Variants in KCNQ5 observed in about 807,000 individuals in gnomAD.
KCNQ5 encodes potassium voltage-gated channel subfamily KQT member 5.
Under a neutral mutation model 98.2 loss-of-function variants are expected in KCNQ5, and 30 were observed. The ratio of observed to expected loss-of-function variants is 0.31; its 90% CI spans 0.23 to 0.41. The LOEUF (loss-of-function observed/expected upper bound fraction) is 0.41. Among genes scored for constraint, KCNQ5 ranks in the 10% least tolerant of loss-of-function variants. The pLI is 1.00. For missense variants in KCNQ5, 835 were observed against 1,182.5 expected (o/e 0.71, Z 4.31); for synonymous variants, 458 against 449.4 (o/e 1.02, Z -0.24).
rs1346511992 is a variant in KCNQ5 at position 73,194,523 on chromosome 6, C to T, written c.1908C>T (p.Ala636=). ...IYQQVLRKGS[A]SALALASFQI... Reference sequence around the variant, plus strand: ...AACAGGTCCTTCGGAAAGGCTCTGCCTCAGCCCTCGCTTTGGCTTCATTCC... The same window carrying T: ...AACAGGTCCTTCGGAAAGGCTCTGCTTCAGCCCTCGCTTTGGCTTCATTCC... Residue 636 remains alanine, a synonymous_variant, in exon 14 of 14, where the codon GCC becomes GCT. Transcript: ENST00000370398. The T allele has an allele frequency of 6.2e-7, 1 of 1,614,216 alleles. No homozygotes were observed. The highest frequency in any genetic ancestry group is 8.5e-7 in the Non-Finnish European group (1 of 1,180,038).
At chr6:73,003,181 T>G (rs1448341163) in intron 1 of KCNQ5, among the ~76,000 whole-genome samples, 1 of 152,118 alleles carries the variant, frequency 6.6e-6, no homozygotes, top group Non-Finnish European at 1.5e-5. Flanking sequence ...AAGTTACACA[T>G]TTGTAGGAAT....
chr6:72,776,814 A>C (rs956766624), intron 1 of KCNQ5, among the ~76,000 whole-genome samples: 1 of 152,142 alleles, frequency 6.6e-6, no homozygotes, highest in African/African-American at 2.4e-5. Context: ...GGACAGGGAG[A>C]GGCAGAAAAA....
At chr6:72,848,218 G>A (rs1045579335) in intron 1 of KCNQ5, among the ~76,000 whole-genome samples, 2 of 151,324 alleles carry the variant, frequency 1.3e-5, no homozygotes, top group African/African-American at 4.9e-5. Context: ...TTAAAGTTCC[G>A]GGATACATGG....
At chr6:73,070,827 C>CT (rs1220802487) in intron 3 of KCNQ5, among the ~76,000 whole-genome samples, 35 of 152,308 alleles carry the variant, frequency 2.3e-4, no homozygotes, top group African/African-American at 8.2e-4. Context: ...GCAACCACTT[C>CT]TCAGAGATAA....
intron 5 of KCNQ5, among the ~76,000 whole-genome samples, chr6:73,090,129 T>A (rs1170034479): frequency 6.6e-6 from 1 of 152,178 alleles, no homozygotes; most frequent in Non-Finnish European, 1.5e-5. Context: ...TGGTATCACA[T>A]TGTGGTTTTC....
intron 1 of KCNQ5, among the ~76,000 whole-genome samples, chr6:72,700,173 G>A (rs1582135487): frequency 6.6e-6 from 1 of 152,090 alleles, no homozygotes; most frequent in Admixed American, 6.5e-5. Context: ...TCTTAAATGG[G>A]CAGGAAGCTC....
rs1048010279 is a variant in KCNQ5, at chr6:72,796,507, A to C, written c.398+173920A>C. Among the ~76,000 whole-genome samples the C allele has an allele frequency of 3.3e-5, 5 of 152,286 alleles. No individual in the cohort carries two copies. The East Asian group carries it at 9.7e-4, about 29-fold the overall frequency. On this transcript the variant is annotated intron_variant, in intron 1 of 13. Coordinates refer to ENST00000370398, the MANE Select transcript of KCNQ5 (RefSeq NM_019842.4). ...CAAGGCCAGGGCTATGACCTCTGTG[A>C]ATGTCCTAAGCTCCCTGGATATGAG...
At chr6:72,642,208 A>G (rs1273896677) in intron 1 of KCNQ5, among the ~76,000 whole-genome samples, 1 of 151,108 alleles carries the variant, frequency 6.6e-6, no homozygotes, top group East Asian at 1.9e-4. Flanking sequence ...AAAAACAAAC[A>G]TTTTGCGAGT....
At chr6:73,120,639 A>G in intron 8 of KCNQ5, 62 bp downstream of exon 8, 2 of 1,024,092 alleles carry the variant, frequency 2.0e-6, no homozygotes, top group Non-Finnish European at 3.0e-6. Flanking sequence ...TAAACAAACC[A>G]TACCCACACA....
Position 73,105,387 on chromosome 6 carries a change from TAA to T in KCNQ5, c.1029+22_1029+23del. 7 of 1,486,660 alleles carry T rather than the reference TAA, an allele frequency of 4.7e-6. No individual in the cohort carries two copies. The highest frequency in any genetic ancestry group is 6.5e-6 in the Non-Finnish European group (7 of 1,073,812). 92.1% of individuals were successfully genotyped at this position (1,486,660 alleles called of 1,614,324 possible). On this transcript the variant is annotated intron_variant, in intron 6 of 13. Transcript: ENST00000370398. Reference sequence around the variant, plus strand: ...CCTGCCGTGAGTATCTTTGCACCAATAAAGCAGTTTAAATTAGATCTTAGAGA... The same window carrying T: ...CCTGCCGTGAGTATCTTTGCACCAATAGCAGTTTAAATTAGATCTTAGAGA...
chr6:72,709,399 T>C (rs1391927881), intron 1 of KCNQ5, among the ~76,000 whole-genome samples: 1 of 152,212 alleles, frequency 6.6e-6, no homozygotes, highest in Non-Finnish European at 1.5e-5. Flanking sequence ...GGAGAGGAAA[T>C]ATTTCTAGAA....
intron 1 of KCNQ5, among the ~76,000 whole-genome samples, chr6:72,757,796 G>T (rs1050012730): frequency 6.6e-6 from 1 of 151,972 alleles, no homozygotes; most frequent in African/African-American, 2.4e-5. Context: ...TAATGTAGTT[G>T]GGAAAATAGT....
Position 73,061,653 on chromosome 6 carries a change from G to C in KCNQ5, c.617-15669G>C, listed in dbSNP as rs77279377. 4.5e-3 allele frequency among the ~76,000 whole-genome samples: 683 copies of C among 152,220 alleles called. 5 individuals are homozygous for C. Among genetic ancestry groups the C allele is most frequent in the African/African-American group, 0.016 (650 of 41,546 alleles). ...GCATTTTTAACTCACGAAAAACTCT[G>C]TTCTAAAAGGTGCTTTATTATTTGC... On this transcript the variant is annotated intron_variant, in intron 3 of 13. Coordinates refer to ENST00000370398, the MANE Select transcript of KCNQ5 (RefSeq NM_019842.4).
In KCNQ5 at chr6:72,919,305, G is replaced by A. The variant is rs148454226; in HGVS notation, c.399-84603G>A. Among the ~76,000 whole-genome samples, 152 of 152,306 alleles carry A rather than the reference G, an allele frequency of 1.0e-3. 1 individual carries two copies. The highest frequency in any genetic ancestry group is 3.3e-3 in the African/African-American group (137 of 41,566). ...GGCAGCTCTTAAAGAACTCATGGGA[G>A]AGACAGAAACCTCAAAACATAGCTA... On this transcript the variant is annotated intron_variant, in intron 1 of 13. Transcript: ENST00000370398.
intron 1 of KCNQ5, among the ~76,000 whole-genome samples, chr6:72,693,124 T>C (rs1768296863): frequency 6.6e-6 from 1 of 151,966 alleles, no homozygotes; most frequent in Non-Finnish European, 1.5e-5. Flanking sequence ...TTATAGATAA[T>C]AATTAAAGCC....
At chr6:72,951,417 A>G (rs1766798591) in intron 1 of KCNQ5, among the ~76,000 whole-genome samples, 1 of 149,756 alleles carries the variant, frequency 6.7e-6, no homozygotes, top group African/African-American at 2.5e-5. Flanking sequence ...AGCTGAGATT[A>G]CAGGCACCAA....
intron 1 of KCNQ5, among the ~76,000 whole-genome samples, chr6:72,655,053 TTTCTTTC>T (rs1565060381): frequency 3.3e-5 from 5 of 149,590 alleles, no homozygotes; most frequent in African/African-American, 1.2e-4. Context: ...TCTTTCTTTC[TTTCTTTC>T]TTTCTTTCTT....
At chr6:72,661,961 A>G (rs915305104) in intron 1 of KCNQ5, among the ~76,000 whole-genome samples, 1 of 152,230 alleles carries the variant, frequency 6.6e-6, no homozygotes, top group East Asian at 1.9e-4. Context: ...TTCAAAATGA[A>G]CTTATGTGAT....
intron 9 of KCNQ5, among the ~76,000 whole-genome samples, chr6:73,126,814 T>TC (rs1393752931): frequency 3.9e-5 from 6 of 152,168 alleles, no homozygotes; most frequent in Non-Finnish European, 8.8e-5. Context: ...CAACTAGCTG[T>TC]CACATCACCC....
Sources: gnomAD v4.1 joint callset for allele counts (sites outside exome capture counted in the v4.1 genomes callset) on GRCh38, gnomAD v4.1.1 for gene constraint, MANE v1.5 for transcripts, NCBI Gene and HGNC (gene_info 2026-07-23, HGNC 2026-07-21) for gene names.